TOX4: variants seen among roughly 807,000 people sequenced by gnomAD.
TOX4 encodes TOX high mobility group box family member 4.
In TOX4, 12 loss-of-function variants were observed where a neutral mutation model predicts 61.0. The ratio of observed to expected loss-of-function variants is 0.20; its 90% CI spans 0.13 to 0.32. TOX4 has a LOEUF of 0.32. TOX4 is among the 10% of genes least tolerant of loss of function. The pLI is 1.00. For missense variants in TOX4, 499 were observed against 753.3 expected, an observed-to-expected ratio of 0.66 and a Z score of 3.95; for synonymous variants, 268 against 274.8, an observed-to-expected ratio of 0.98 and a Z score of 0.24.
rs1891319540 is a variant in TOX4, at chr14:21,492,792, C to T, written c.1176C>T (p.Ala392=). The T allele has an allele frequency of 1.9e-6, 3 of 1,614,032 alleles. No individual in the cohort carries two copies. In the African/African-American group the frequency reaches 4.0e-5, roughly 22 times the overall value. The change falls in exon 7 of 9, where the codon GCC becomes GCT. Residue 392 remains alanine (A), a synonymous_variant. Coordinates refer to ENST00000448790, the MANE Select transcript of TOX4 (RefSeq NM_014828.4). Reference sequence around the variant, plus strand: ...GAGGGATGGTTACTGTTATCCCAGCCACAGTGGTGACCTCCCGGGGGCTCC... The same window carrying T: ...GAGGGATGGTTACTGTTATCCCAGCTACAGTGGTGACCTCCCGGGGGCTCC... ...SQGGMVTVIP[A]TVVTSRGLQL... is the part of the protein sequence containing the mutation.
chr14:21,488,425 T>A (rs530101913), intron 3 of TOX4, 165 bp from the exon 4 acceptor site: 422 of 745,990 alleles, frequency 5.7e-4, no homozygotes, highest in East Asian at 1.4e-3. Context: ...TGTACTTTTT[T>A]AAAAAGCTTA....
intron 2 of TOX4, among the ~76,000 whole-genome samples, chr14:21,482,179 T>C (rs1594424596): frequency 6.6e-6 from 1 of 152,326 alleles, no homozygotes; most frequent in East Asian, 1.9e-4. Context: ...TTGGCTCTAA[T>C]ATAGTGGTAT....
At chr14:21,491,332 A>G (rs1891285637) in intron 5 of TOX4, among the ~76,000 whole-genome samples, 1 of 151,960 alleles carries the variant, frequency 6.6e-6, no homozygotes, top group Non-Finnish European at 1.5e-5. Flanking sequence ...GCTAAGACAC[A>G]GTTTTTGGAT....
intron 8 of TOX4, 168 bp downstream of exon 8, chr14:21,495,560 G>GCCA (rs1891382568): frequency 1.5e-6 from 1 of 648,406 alleles, no homozygotes; most frequent in Non-Finnish European, 2.5e-6. Context: ...GCTTACATTT[G>GCCA]CCACATAAGC....
In TOX4 at chr14:21,477,251, C is replaced by A; in HGVS notation, c.-28C>A. 1 of 1,613,856 alleles carries A rather than the reference C, an allele frequency of 6.2e-7. No homozygotes were observed. Among genetic ancestry groups the A allele is most frequent in the African/African-American group, 1.3e-5 (1 of 75,010 alleles). Reference sequence around the variant, plus strand: ...TGGGGGCGGTGGGAGCGATGAGGGTCTGAGACGGTGGGAGCGGTTGTGTGA... The same window carrying A: ...TGGGGGCGGTGGGAGCGATGAGGGTATGAGACGGTGGGAGCGGTTGTGTGA... On this transcript the variant is annotated 5_prime_UTR_variant, in exon 1 of 9. It adds an upstream start codon to the 5' untranslated region. Coordinates refer to ENST00000448790, the MANE Select transcript of TOX4 (RefSeq NM_014828.4).
chr14:21,477,438 T>G, intron 1 of TOX4, 58 bp from the exon 2 acceptor site: 1 of 1,611,314 alleles, frequency 6.2e-7, no homozygotes, highest in South Asian at 1.1e-5. Flanking sequence ...AAGCCATCGC[T>G]CCAAGCTGAC....
At position 21,498,133 on chromosome 14, in the gene TOX4, C is replaced by G. The variant is rs1891452401; in HGVS notation, c.*1527C>G. The G allele has an allele frequency of 1.5e-6, 1 of 647,504 alleles. No homozygotes were observed. Among genetic ancestry groups the G allele is most frequent in the Non-Finnish European group, 2.7e-6 (1 of 372,278 alleles). The allele number at this position is 647,504 out of a possible 1,614,324, so 40.1% of individuals were successfully genotyped here. ...TAAGTAGCAGAGCCAGAATGGACTT[C>G]AGAATCCCAACTACAATACAAATGT... On this transcript the variant is annotated 3_prime_UTR_variant, in exon 9 of 9. Transcript: ENST00000448790.
In TOX4 at chr14:21,498,408, G is replaced by A; in HGVS notation, c.*1802G>A. 6 of 1,594,904 alleles carry A rather than the reference G, an allele frequency of 3.8e-6. No individual in the cohort carries two copies. Among genetic ancestry groups the A allele is most frequent in the Non-Finnish European group, 5.2e-6 (6 of 1,163,936 alleles). On this transcript the variant is annotated 3_prime_UTR_variant, in exon 9 of 9. Coordinates refer to ENST00000448790, the MANE Select transcript of TOX4 (RefSeq NM_014828.4). ...AAAGGAGGGGCAAACCAGAAATCCT[G>A]GAATTAGAGGGTTTAATATTGTTAA...
chr14:21,492,219 T>C, intron 5 of TOX4, 77 bp from the exon 6 acceptor site: 1 of 1,331,404 alleles, frequency 7.5e-7, no homozygotes, highest in Non-Finnish European at 1.1e-6. Flanking sequence ...CATTCATTGA[T>C]AAATAATACA....
In TOX4 at chr14:21,498,463, C is replaced by A; in HGVS notation, c.*1857C>A. ...TGCATACCAAATGAAGACTGCCTAT[C>A]ATCATATCAAATATGCCAATTCTAA... On this transcript the variant is annotated 3_prime_UTR_variant, in exon 9 of 9. Coordinates refer to ENST00000448790, the MANE Select transcript of TOX4 (RefSeq NM_014828.4). The A allele has an allele frequency of 8.6e-7, 1 of 1,164,554 alleles. No homozygotes were observed. Among genetic ancestry groups the A allele is most frequent in the South Asian group, 1.3e-5 (1 of 74,878 alleles). 72.1% of individuals were successfully genotyped at this position (1,164,554 alleles called of 1,614,324 possible). A position where few individuals can be genotyped will look rare whatever the true frequency, so the allele number is the denominator to read the frequency against.
rs770996220 is a variant in TOX4, at chr14:21,492,372, G to A, written c.887G>A (p.Cys296Tyr). 2 of 1,614,052 alleles carry A rather than the reference G, an allele frequency of 1.2e-6. No homozygotes were observed. The highest frequency in any genetic ancestry group is 1.7e-6 in the Non-Finnish European group (2 of 1,180,002). ...GCTGCTTACAAAGACAACCAGGAGTGTCAGGTAAGAGGGATAGGATAGAAT... is the reference window on the plus strand; with the variant it reads ...GCTGCTTACAAAGACAACCAGGAGTATCAGGTAAGAGGGATAGGATAGAAT... ...ALAAYKDNQE[C>Y]QATVETVELD... Residue 296 changes from cysteine (C) to tyrosine (Y), a missense_variant, in exon 6 of 9, where the codon TGT becomes TAT. By Grantham distance (194) the Cys-to-Tyr change is radical. This residue lies in a region of TOX4 where 296 missense variants were observed against 404.7 expected (regional missense o/e 0.73). Transcript: ENST00000448790.
intron 8 of TOX4, 64 bp downstream of exon 8, chr14:21,495,456 A>G (rs1294892046): frequency 1.3e-6 from 2 of 1,542,510 alleles, no homozygotes; most frequent in Non-Finnish European, 1.8e-6. Context: ...AAACATAGGA[A>G]TCTTGAGCAT....
chr14:21,485,362 C>A (rs2139621779), intron 2 of TOX4, among the ~76,000 whole-genome samples: 1 of 104,112 alleles, frequency 9.6e-6, no homozygotes, highest in Admixed American at 8.6e-5. Context: ...TTGCGGTGAG[C>A]TGAGATCACG....
At chr14:21,481,316 T>A (rs972891867) in intron 2 of TOX4, among the ~76,000 whole-genome samples, 3 of 152,080 alleles carry the variant, frequency 2.0e-5, no homozygotes, top group East Asian at 1.9e-4. Flanking sequence ...GTAGCTGGGA[T>A]TACAGGCATG....
At chr14:21,488,295 GT>G (rs1373855031) in intron 3 of TOX4, 15 of 292,630 alleles carry the variant, frequency 5.1e-5, no homozygotes, top group Non-Finnish European at 5.8e-5. Flanking sequence ...TACTCAATGT[GT>G]TGTCACTACC....
intron 5 of TOX4, among the ~76,000 whole-genome samples, chr14:21,490,146 G>T (rs1346061108): frequency 2.6e-5 from 4 of 151,876 alleles, no homozygotes; most frequent in African/African-American, 9.7e-5. Context: ...ACTCCAGCCT[G>T]GGTGACAGAG....
At position 21,489,234 on chromosome 14, in the gene TOX4, A is replaced by G; in HGVS notation, c.641A>G (p.Lys214Arg). The change falls in exon 5 of 9, where the codon AAG (lysine) becomes AGG (arginine). Residue 214 changes from lysine (K) to arginine (R), a missense_variant. This residue lies in a region of TOX4 where 61 missense variants were observed against 76.1 expected (regional missense o/e 0.80). Coordinates refer to ENST00000448790, the MANE Select transcript of TOX4 (RefSeq NM_014828.4). ...EAGKKQKAPK[K>R]RKKKDPNEPQ... is the part of the protein sequence containing the mutation. ...GGGAAAAAGCAGAAGGCCCCAAAGAAGAGAAAAAAGAAAGATCCTAATGAA... is the reference window on the plus strand; with the variant it reads ...GGGAAAAAGCAGAAGGCCCCAAAGAGGAGAAAAAAGAAAGATCCTAATGAA... The G allele has an allele frequency of 6.2e-7, 1 of 1,614,226 alleles. No homozygotes were observed. The highest frequency in any genetic ancestry group is 8.5e-7 in the Non-Finnish European group (1 of 1,180,046).
chr14:21,488,419 C>T (rs1891226399), intron 3 of TOX4, 171 bp from the exon 4 acceptor site: 5 of 712,628 alleles, frequency 7.0e-6, no homozygotes, highest in Non-Finnish European at 1.1e-5. Flanking sequence ...AATTTCTGTA[C>T]TTTTTTAAAA....
chr14:21,492,128 C>A (rs1219270682), intron 5 of TOX4, 168 bp from the exon 6 acceptor site: 2 of 641,502 alleles, frequency 3.1e-6, no homozygotes, highest in Non-Finnish European at 5.4e-6. Flanking sequence ...GTGAGTCTGC[C>A]ATGGAGGTTG....
Sources: allele counts gnomAD v4.1 joint callset (sites outside exome capture counted in the v4.1 genomes callset), GRCh38; gene constraint gnomAD v4.1.1; regional missense constraint gnomAD v4.1.1; transcripts MANE v1.5; gene names NCBI Gene and HGNC (gene_info 2026-07-23, HGNC 2026-07-21).